The following LRP2 variants were observed in gnomAD, a reference collection of about 807,000 sequenced individuals.
LRP2 encodes low-density lipoprotein receptor-related protein 2.
In LRP2, 172 loss-of-function variants were observed where a neutral mutation model predicts 531.0. The ratio of observed to expected loss-of-function variants is 0.32; its 90% CI spans 0.29 to 0.37. The LOEUF (loss-of-function observed/expected upper bound fraction) is 0.37, where lower values mean the gene tolerates loss of function less well. Among genes scored for constraint, LRP2 ranks in the 10% least tolerant of loss-of-function variants. The pLI is 1.00. For synonymous variants in LRP2, 1,992 were observed against 2,027.6 expected (o/e 0.98, Z 0.47); for missense variants, 5,167 against 5,868.3 (o/e 0.88, Z 3.90).
chr2:169,291,066 T>C (rs867978237), intron 7 of LRP2, 69 bp from the exon 8 acceptor site: 259 of 1,418,194 alleles, frequency 1.8e-4, no homozygotes, highest in Middle Eastern at 1.1e-3. Context: ...TAATCAGTGG[T>C]TTACAGAGGA....
At chr2:169,281,524 T>C (rs1683703909) in intron 10 of LRP2, among the ~76,000 whole-genome samples, 1 of 151,630 alleles carries the variant, frequency 6.6e-6, no homozygotes, top group Non-Finnish European at 1.5e-5. Flanking sequence ...ATCAAGACCA[T>C]CCTGGCTAAC....
chr2:169,318,637 C>T, intron 3 of LRP2, 125 bp downstream of exon 3: 1 of 1,312,516 alleles, frequency 7.6e-7, no homozygotes, highest in Non-Finnish European at 1.1e-6. Flanking sequence ...GGCATAGGTT[C>T]CCTTATGATT....
In LRP2 at chr2:169,213,459, C is replaced by T. The variant is rs78411016; in HGVS notation, c.6040+198G>A. On this transcript the variant is annotated intron_variant, in intron 36 of 78. Coordinates refer to ENST00000649046, the MANE Select transcript of LRP2 (RefSeq NM_004525.3). ...TAAACTTACTCTGAAGTCAATCTGGCCTTTCAGATGCCAAATTAGCCCTTG... is the reference window on the plus strand; with the variant it reads ...TAAACTTACTCTGAAGTCAATCTGGTCTTTCAGATGCCAAATTAGCCCTTG... 0.034 allele frequency among the ~76,000 whole-genome samples: 5,187 copies of T among 152,278 alleles called. 115 individuals carry two copies. The highest frequency in any genetic ancestry group is 0.052 in the Non-Finnish European group (3,538 of 68,014).
chr2:169,304,344 A>G (rs1447315220), intron 4 of LRP2, among the ~76,000 whole-genome samples: 1 of 152,150 alleles, frequency 6.6e-6, no homozygotes, highest in East Asian at 1.9e-4. Flanking sequence ...ATTAAGCCCT[A>G]TCTCTACTAT....
At chr2:169,233,003 A>G (rs1248070194) in intron 30 of LRP2, among the ~76,000 whole-genome samples, 1 of 152,194 alleles carries the variant, frequency 6.6e-6, no homozygotes, top group African/African-American at 2.4e-5. Context: ...CGTGCTGGCT[A>G]CAGCAGAGCA....
intron 55 of LRP2, 64 bp from the exon 56 acceptor site, chr2:169,174,228 A>T (rs753094066): frequency 8.1e-6 from 13 of 1,601,604 alleles, no homozygotes; most frequent in African/African-American, 1.3e-5. Context: ...CCTAATTGAC[A>T]TCAGTGAATC....
chr2:169,230,723 C>T (rs2105367431), intron 31 of LRP2, among the ~76,000 whole-genome samples: 1 of 152,292 alleles, frequency 6.6e-6, no homozygotes. Flanking sequence ...TATACAAGTA[C>T]ACACTCCAGA....
At chr2:169,355,930 G>A (rs1254086739) in intron 1 of LRP2, among the ~76,000 whole-genome samples, 2 of 152,100 alleles carry the variant, frequency 1.3e-5, no homozygotes, top group African/African-American at 2.4e-5. Context: ...TCACTCTGTC[G>A]CTGAGGCTGG....
In LRP2 at chr2:169,256,315, G is replaced by A; in HGVS notation, c.2640-79C>T. 5 of 1,148,168 alleles carry A rather than the reference G, an allele frequency of 4.4e-6. No homozygotes were observed. The South Asian group carries it at 6.9e-5, about 16-fold the overall frequency. The allele number at this position is 1,148,168 out of a possible 1,614,324, so 71.1% of individuals were successfully genotyped here. On this transcript the variant is annotated intron_variant, in intron 18 of 78. Coordinates refer to ENST00000649046, the MANE Select transcript of LRP2 (RefSeq NM_004525.3). ...TTTACACAAAGGGCATCCAAAAACA[G>A]TAGGGTCAGTTGACACATTTATTAA...
intron 50 of LRP2, among the ~76,000 whole-genome samples, chr2:169,184,958 G>T (rs537622680): frequency 2.0e-5 from 3 of 151,838 alleles, no homozygotes; most frequent in Non-Finnish European, 4.4e-5. Flanking sequence ...GACAGATTTC[G>T]CCATGTTGCC....
intron 12 of LRP2, 43 bp from the exon 13 acceptor site, chr2:169,277,994 A>G (rs375045714): frequency 8.4e-6 from 13 of 1,545,066 alleles, no homozygotes; most frequent in Admixed American, 1.7e-5. Context: ...GGTATTTTAC[A>G]AGTTAACCTG....
intron 4 of LRP2, among the ~76,000 whole-genome samples, chr2:169,297,072 A>C (rs1684151236): frequency 6.6e-6 from 1 of 152,198 alleles, no homozygotes; most frequent in Non-Finnish European, 1.5e-5. Context: ...AGAGCTCCCT[A>C]ACTCCACCAA....
In LRP2 at chr2:169,175,345, G is replaced by A; in HGVS notation, c.10616C>T (p.Ser3539Leu). ...WWKCDGQKDC[S>L]DGSDELALCP... ...AAGGGCCAGTTCATCAGAGCCATCT[G>A]AGCAGTCTTTCTGTCCATCACATTT... Residue 3539 changes from serine to leucine, a missense_variant, in exon 55 of 79, where the codon TCA (serine) becomes TTA (leucine). Around this residue, in one of 6 missense-constraint regions of LRP2, gnomAD observed 311 missense variants for 309.4 expected, o/e 1.01. Coordinates refer to ENST00000649046, the MANE Select transcript of LRP2 (RefSeq NM_004525.3). 2 of 1,614,196 alleles carry A rather than the reference G, an allele frequency of 1.2e-6. No individual in the cohort carries two copies. Among genetic ancestry groups the A allele is most frequent in the Non-Finnish European group, 8.5e-7 (1 of 1,180,034 alleles).
At chr2:169,357,892 C>T (rs928043559) in intron 1 of LRP2, among the ~76,000 whole-genome samples, 28 of 152,142 alleles carry the variant, frequency 1.8e-4, no homozygotes, top group Admixed American at 3.3e-4. Context: ...CCTAGTCTTA[C>T]AGCAGCCTGC....
At chr2:169,299,975 T>G (rs1348048507) in intron 4 of LRP2, among the ~76,000 whole-genome samples, 1 of 152,136 alleles carries the variant, frequency 6.6e-6, no homozygotes, top group Admixed American at 6.6e-5. Context: ...TTCTACAGAG[T>G]GCTGCCTTCT....
intron 19 of LRP2, among the ~76,000 whole-genome samples, chr2:169,248,307 C>T (rs1372991298): frequency 1.3e-5 from 2 of 152,190 alleles, no homozygotes; most frequent in South Asian, 2.1e-4. Flanking sequence ...GATAGTTTAA[C>T]TAGAAAACCC....
At chr2:169,207,362 T>C (rs932015222) in intron 38 of LRP2, 112 bp from the exon 39 acceptor site, 12 of 768,592 alleles carry the variant, frequency 1.6e-5, no homozygotes, top group African/African-American at 8.7e-5. Context: ...GGTCACTATA[T>C]GTTGTCTTTT....
rs1480300722 is a variant in LRP2, at chr2:169,243,629, T to C, written c.3431-107A>G. The C allele has an allele frequency of 1.0e-5, 14 of 1,357,614 alleles. No homozygotes were observed. The Admixed American group carries it at 2.2e-4, about 21-fold the overall frequency. The allele number at this position is 1,357,614 out of a possible 1,614,324, so 84.1% of individuals were successfully genotyped here. A position where few individuals can be genotyped will look rare whatever the true frequency, so the allele number is the denominator to read the frequency against. On this transcript the variant is annotated intron_variant, in intron 22 of 78. Coordinates refer to ENST00000649046, the MANE Select transcript of LRP2 (RefSeq NM_004525.3). ...CTACAGAAGTTATCTCAATTGTACATGGGTTCAAAATTCTTTTGAATCAGC... is the reference window on the plus strand; with the variant it reads ...CTACAGAAGTTATCTCAATTGTACACGGGTTCAAAATTCTTTTGAATCAGC...
chr2:169,321,089 A>G (rs550062475), intron 1 of LRP2, among the ~76,000 whole-genome samples: 1 of 152,332 alleles, frequency 6.6e-6, no homozygotes, highest in South Asian at 2.1e-4. Context: ...TTTCATACAC[A>G]GTTGATTAGT....
Sources: allele counts gnomAD v4.1 joint callset (sites outside exome capture counted in the v4.1 genomes callset), GRCh38; gene constraint gnomAD v4.1.1; regional missense constraint gnomAD v4.1.1; transcripts MANE v1.5; gene names NCBI Gene and HGNC (gene_info 2026-07-23, HGNC 2026-07-21).